Variants in ZRANB1 observed in about 807,000 individuals in gnomAD.
ZRANB1 encodes the protein zinc finger RANBP2-type containing 1.
Under a neutral mutation model 80.5 loss-of-function variants are expected in ZRANB1, and 16 were observed. The ratio of observed to expected loss-of-function variants is 0.20; its 90% CI spans 0.13 to 0.30. The LOEUF (loss-of-function observed/expected upper bound fraction) is 0.30, where lower values mean the gene tolerates loss of function less well. ZRANB1 is among the 10% of genes least tolerant of loss of function. The pLI is 1.00. For missense variants in ZRANB1, 576 were observed against 862.6 expected (o/e 0.67, Z 4.16); for synonymous variants, 291 against 293.1 (o/e 0.99, Z 0.07).
At chr10:124,924,246 TTGAA>T in the ZRANB1 span, among the ~76,000 whole-genome samples, 3 of 152,142 alleles carry the variant, frequency 2.0e-5, no homozygotes, top group Admixed American at 1.3e-4. Context: ...TAAAAAATAT[TTGAA>T]TGCGTGATAT....
chr10:124,921,049 G>A, the ZRANB1 span, among the ~76,000 whole-genome samples: 1 of 152,168 alleles, frequency 6.6e-6, no homozygotes, highest in African/African-American at 2.4e-5. Flanking sequence ...TGGTTGGTAT[G>A]TTTATATGTA....
In ZRANB1 at chr10:124,942,801, G is replaced by A. The variant is rs776261534; in HGVS notation, c.308G>A (p.Arg103Lys). ...TATTTGAACTGGCCAAGAGCAATCA[G>A]ATGTACCCAGTGCTTATCCCAACGT... ...CTYLNWPRAI[R>K]CTQCLSQRRT... The change falls in exon 1 of 9, where the codon AGA becomes AAA. Residue 103 changes from arginine to lysine, a missense_variant. Physicochemically the swap from Arg to Lys is conservative, Grantham distance 26. Coordinates refer to ENST00000359653, the MANE Select transcript of ZRANB1 (RefSeq NM_017580.3). 1 of 1,614,222 alleles carries A rather than the reference G, an allele frequency of 6.2e-7. No homozygotes were observed. The highest frequency in any genetic ancestry group is 2.2e-5 in the East Asian group (1 of 44,884).
intron 1 of ZRANB1, among the ~76,000 whole-genome samples, chr10:124,960,732 C>T (rs117964512): frequency 2.0e-5 from 3 of 152,084 alleles, no homozygotes; most frequent in East Asian, 3.9e-4. Context: ...CCCATTTCCA[C>T]TTTTAAAATG....
chr10:124,987,490 C>T lies in ZRANB1; in HGVS notation c.*2498C>T, dbSNP rs1024248652. On this transcript the variant is annotated 3_prime_UTR_variant, in exon 9 of 9. Coordinates refer to ENST00000359653, the MANE Select transcript of ZRANB1 (RefSeq NM_017580.3). Reference sequence around the variant, plus strand: ...AGGTTCATCGTGTCCCAGACTTCTTCACATATTCGTGAAGGTAAGATATTC... The same window carrying T: ...AGGTTCATCGTGTCCCAGACTTCTTTACATATTCGTGAAGGTAAGATATTC... 1 of 152,290 alleles carries T rather than the reference C, an allele frequency of 6.6e-6. No individual in the cohort carries two copies. Among genetic ancestry groups the T allele is most frequent in the African/African-American group, 2.4e-5 (1 of 41,542 alleles). 9.4% of individuals were successfully genotyped at this position (152,290 alleles called of 1,614,324 possible). A position where few individuals can be genotyped will look rare whatever the true frequency, so the allele number is the denominator to read the frequency against.
Position 124,943,016 on chromosome 10 carries a change from C to A in ZRANB1, c.523C>A (p.Pro175Thr). 1 of 1,614,170 alleles carries A rather than the reference C, an allele frequency of 6.2e-7. No homozygotes were observed. The highest frequency in any genetic ancestry group is 1.1e-5 in the South Asian group (1 of 91,088). ...KAKRCVVCDHPRPNNIEAIEL... is the reference protein window; with the variant it reads ...KAKRCVVCDHTRPNNIEAIEL... ...TAAAAGATGTGTTGTTTGTGATCAT[C>A]CCAGACCTAATAACATTGAAGCAAT... The change falls in exon 1 of 9, where the codon CCC becomes ACC. Residue 175 changes from proline (P) to threonine (T), a missense_variant. Transcript: ENST00000359653.
the ZRANB1 span, among the ~76,000 whole-genome samples, chr10:124,926,856 G>A: frequency 6.6e-6 from 1 of 152,174 alleles, no homozygotes; most frequent in African/African-American, 2.4e-5. Flanking sequence ...GACGTCACAA[G>A]GCAAATTTTT....
chr10:124,982,736 T>C (rs1403823823), intron 6 of ZRANB1, among the ~76,000 whole-genome samples: 1 of 152,206 alleles, frequency 6.6e-6, no homozygotes, highest in Non-Finnish European at 1.5e-5. Flanking sequence ...CCATTTAATA[T>C]TAGTATTCAC....
chr10:124,962,525 GA>G (rs770923424), intron 1 of ZRANB1: 421 of 384,378 alleles, frequency 1.1e-3, no homozygotes, highest in Non-Finnish European at 1.4e-3. Context: ...ATATATGGGG[GA>G]AAAAATAAGT....
intron 1 of ZRANB1, among the ~76,000 whole-genome samples, chr10:124,961,724 C>T (rs1278173804): frequency 6.6e-6 from 1 of 152,208 alleles, no homozygotes; most frequent in African/African-American, 2.4e-5. Flanking sequence ...TGACTTCCTT[C>T]TCTCATTGAA....
chr10:124,973,352 T>G (rs1430793895), intron 3 of ZRANB1, among the ~76,000 whole-genome samples: 1 of 152,052 alleles, frequency 6.6e-6, no homozygotes, highest in Non-Finnish European at 1.5e-5. Flanking sequence ...AGACAGGGTT[T>G]TGCCGTGTTG....
chr10:124,931,625 C>T, the ZRANB1 span, among the ~76,000 whole-genome samples: 8 of 152,264 alleles, frequency 5.3e-5, no homozygotes, highest in Non-Finnish European at 8.8e-5. Context: ...CCCACCTCAG[C>T]CTCCCAAAAT....
At chr10:124,955,867 A>G (rs973135054) in intron 1 of ZRANB1, among the ~76,000 whole-genome samples, 1 of 152,120 alleles carries the variant, frequency 6.6e-6, no homozygotes, top group Non-Finnish European at 1.5e-5. Flanking sequence ...TTCCCTTTCT[A>G]CTATTAAATG....
At chr10:124,960,446 AAC>A (rs1951723645) in intron 1 of ZRANB1, among the ~76,000 whole-genome samples, 1 of 152,078 alleles carries the variant, frequency 6.6e-6, no homozygotes, top group African/African-American at 2.4e-5. Context: ...TCGTTTTTTA[AAC>A]AGAGACAGGG....
the ZRANB1 span, among the ~76,000 whole-genome samples, chr10:124,919,601 C>T: frequency 7.7e-5 from 11 of 143,456 alleles, no homozygotes; most frequent in Admixed American, 1.4e-4. Context: ...TTTTTTTTTC[C>T]TCCTCCTCCT....
At chr10:124,955,285 G>GTT (rs1951680198) in intron 1 of ZRANB1, among the ~76,000 whole-genome samples, 2 of 151,434 alleles carry the variant, frequency 1.3e-5, no homozygotes, top group Non-Finnish European at 2.9e-5. Flanking sequence ...GCGCAGGCTA[G>GTT]AGTGCAGTGG....
rs756486937 is a variant in ZRANB1 at position 124,966,661 on chromosome 10, G to C, written c.882G>C (p.Gln294His). 6.2e-7 allele frequency: 1 copy of C among 1,614,148 alleles called. No individual in the cohort carries two copies. The highest frequency in any genetic ancestry group is 8.5e-7 in the Non-Finnish European group (1 of 1,180,020). Residue 294 changes from glutamine (Q) to histidine (H), a missense_variant, in exon 2 of 9, where the codon CAG becomes CAC. Physicochemically the swap from Gln to His is conservative, Grantham distance 24 (BLOSUM62 0). This residue lies in a region of ZRANB1 where 411 missense variants were observed against 583.1 expected (regional missense o/e 0.70). Transcript: ENST00000359653. Reference protein sequence around the residue: ...YKSSGGDIARQLTADEVRLLN... With the variant: ...YKSSGGDIARHLTADEVRLLN... ...CATCAGGAGGAGACATTGCACGTCA[G>C]CTCACCGCAGATGAAGTACGCTTGC...
intron 8 of ZRANB1, 119 bp from the exon 9 acceptor site, chr10:124,984,655 G>A: frequency 1.0e-6 from 1 of 996,354 alleles, no homozygotes; most frequent in Non-Finnish European, 1.5e-6. Flanking sequence ...CATGTGAAAA[G>A]TTGATTGCTT....
At chr10:124,982,297 G>A (rs1951942136) in intron 6 of ZRANB1, among the ~76,000 whole-genome samples, 1 of 152,166 alleles carries the variant, frequency 6.6e-6, no homozygotes, top group African/African-American at 2.4e-5. Context: ...TGAGGAACCA[G>A]TTGTCAATCT....
chr10:124,972,608 A>T (rs1189642945), intron 3 of ZRANB1, among the ~76,000 whole-genome samples: 1 of 152,128 alleles, frequency 6.6e-6, no homozygotes, highest in Non-Finnish European at 1.5e-5. Context: ...TTTTTTACTC[A>T]TTTATTTCTA....
Sources: allele counts gnomAD v4.1 joint callset (sites outside exome capture counted in the v4.1 genomes callset), GRCh38; gene constraint gnomAD v4.1.1; regional missense constraint gnomAD v4.1.1; transcripts MANE v1.5; gene names NCBI Gene and HGNC (gene_info 2026-07-23, HGNC 2026-07-21).